Variants in FAF1 observed in about 807,000 individuals in gnomAD.
FAF1 encodes the protein Fas associated factor 1, also known as FAS-associated factor 1.
Under a neutral mutation model 92.5 loss-of-function variants are expected in FAF1, and 25 were observed. The ratio of observed to expected loss-of-function variants is 0.27; its 90% CI spans 0.20 to 0.38. FAF1 has a LOEUF of 0.38. Among genes scored for constraint, FAF1 ranks in the 10% least tolerant of loss-of-function variants. The probability of loss-of-function intolerance (pLI) is 1.00; values close to 1 mark genes in which losing one functional copy is unlikely to be tolerated. For synonymous variants in FAF1, 234 were observed against 273.2 expected (o/e 0.86, Z 1.42); for missense variants, 636 against 793.3 (o/e 0.80, Z 2.38).
intron 2 of FAF1, among the ~76,000 whole-genome samples, chr1:50,812,613 A>G (rs1271216723): frequency 6.6e-6 from 1 of 152,210 alleles, no homozygotes; most frequent in Non-Finnish European, 1.5e-5. Context: ...GAGTGCTTAC[A>G]TGCTGTTGGT....
rs947822162 is a variant in FAF1 at position 50,830,831 on chromosome 1, T to C, written c.114+27098A>G. 8.5e-5 allele frequency among the ~76,000 whole-genome samples: 13 copies of C among 152,268 alleles called. 1 individual carries two copies. The highest frequency in any genetic ancestry group is 4.1e-4 in the South Asian group (2 of 4,826). On this transcript the variant is annotated intron_variant, in intron 2 of 18. Coordinates refer to ENST00000396153, the MANE Select transcript of FAF1 (RefSeq NM_007051.3). Reference sequence around the variant, plus strand: ...TGCCAACTGATCCCAAATGAACTTATAAGAATAAAGAAATTCTAGAAGTAA... The same window carrying C: ...TGCCAACTGATCCCAAATGAACTTACAAGAATAAAGAAATTCTAGAAGTAA...
At chr1:50,941,755 T>A (rs1455846678) in intron 1 of FAF1, among the ~76,000 whole-genome samples, 1 of 152,158 alleles carries the variant, frequency 6.6e-6, no homozygotes, top group Non-Finnish European at 1.5e-5. Context: ...AGAAGGGAAA[T>A]ATGTTCCCTC....
At chr1:50,881,770 T>C (rs1201571515) in intron 1 of FAF1, among the ~76,000 whole-genome samples, 1 of 152,236 alleles carries the variant, frequency 6.6e-6, no homozygotes, top group Non-Finnish European at 1.5e-5. Context: ...TCTTATTTCA[T>C]CTACCACAGA....
chr1:50,828,897 C>T (rs977768881), intron 2 of FAF1, among the ~76,000 whole-genome samples: 10 of 152,098 alleles, frequency 6.6e-5, no homozygotes, highest in African/African-American at 1.9e-4. Context: ...ATGATCTCTG[C>T]AACACACAAC....
At chr1:50,547,949 C>G (rs1377370894) in intron 13 of FAF1, among the ~76,000 whole-genome samples, 1 of 152,102 alleles carries the variant, frequency 6.6e-6, no homozygotes, top group Non-Finnish European at 1.5e-5. Flanking sequence ...ATGGTGTTTA[C>G]TTTTTCTCAA....
chr1:50,456,251 C>T (rs1011360967), intron 18 of FAF1, among the ~76,000 whole-genome samples: 1 of 152,054 alleles, frequency 6.6e-6, no homozygotes, highest in African/African-American at 2.4e-5. Flanking sequence ...GCTTGTGCCA[C>T]CCACAATCTT....
intron 6 of FAF1, among the ~76,000 whole-genome samples, chr1:50,721,365 C>T (rs1658404442): frequency 6.6e-6 from 1 of 152,036 alleles, no homozygotes; most frequent in Non-Finnish European, 1.5e-5. Flanking sequence ...CAGGCACGCA[C>T]CACTACGCCC....
chr1:50,497,090 A>T (rs556029531), intron 15 of FAF1, among the ~76,000 whole-genome samples: 1 of 152,164 alleles, frequency 6.6e-6, no homozygotes, highest in Non-Finnish European at 1.5e-5. Context: ...AAACATGAAG[A>T]AACTACACCA....
intron 1 of FAF1, among the ~76,000 whole-genome samples, chr1:50,924,708 C>T (rs1644990481): frequency 6.6e-6 from 1 of 152,130 alleles, no homozygotes; most frequent in Non-Finnish European, 1.5e-5. Flanking sequence ...ATAGGCTAGG[C>T]ACAGTGGCTC....
intron 15 of FAF1, among the ~76,000 whole-genome samples, chr1:50,513,364 A>G (rs1557976394): frequency 6.6e-6 from 1 of 152,146 alleles, no homozygotes; most frequent in Non-Finnish European, 1.5e-5. Context: ...CATGCCTGCA[A>G]TCCCAGCGAT....
chr1:50,812,662 C>T (rs1053973176), intron 2 of FAF1, among the ~76,000 whole-genome samples: 4 of 152,076 alleles, frequency 2.6e-5, no homozygotes, highest in South Asian at 2.1e-4. Flanking sequence ...GAAACCAGTT[C>T]GGCAATTTCT....
At chr1:50,561,199 C>G (rs1049205380) in intron 13 of FAF1, among the ~76,000 whole-genome samples, 2 of 152,110 alleles carry the variant, frequency 1.3e-5, no homozygotes, top group African/African-American at 4.8e-5. Flanking sequence ...ACTCTAGAAC[C>G]AGGATGAACT....
chr1:50,926,910 AAC>A (rs920826920), intron 1 of FAF1, among the ~76,000 whole-genome samples: 30 of 152,242 alleles, frequency 2.0e-4, no homozygotes, highest in African/African-American at 7.2e-4. Context: ...ATGTTCACAC[AAC>A]AGAGTATTGT....
At chr1:50,631,446 G>T (rs1295122603) in intron 8 of FAF1, among the ~76,000 whole-genome samples, 1 of 152,116 alleles carries the variant, frequency 6.6e-6, no homozygotes, top group Non-Finnish European at 1.5e-5. Flanking sequence ...TTATCAGATT[G>T]ACTGTCAAGG....
In FAF1 at chr1:50,707,493, G is replaced by C. The variant is rs983512266; in HGVS notation, c.552-1602C>G. On this transcript the variant is annotated intron_variant, in intron 6 of 18. Coordinates refer to ENST00000396153, the MANE Select transcript of FAF1 (RefSeq NM_007051.3). ...GCGGGTGGATTGCCTGGACTCAGGAGTTCGAGACCACCCCGGGTAACATGG... is the reference window on the plus strand; with the variant it reads ...GCGGGTGGATTGCCTGGACTCAGGACTTCGAGACCACCCCGGGTAACATGG... Among the ~76,000 whole-genome samples, 5 of 152,068 alleles carry C rather than the reference G, an allele frequency of 3.3e-5. No homozygotes were observed. The East Asian group carries it at 9.7e-4, about 29-fold the overall frequency.
chr1:50,861,972 C>G (rs756450080), intron 1 of FAF1, among the ~76,000 whole-genome samples: 1 of 151,622 alleles, frequency 6.6e-6, no homozygotes, highest in Non-Finnish European at 1.5e-5. Flanking sequence ...TTTGTTGAAG[C>G]CAACCAGACT....
intron 1 of FAF1, among the ~76,000 whole-genome samples, chr1:50,890,688 T>C (rs1644711936): frequency 6.6e-6 from 1 of 152,150 alleles, no homozygotes; most frequent in African/African-American, 2.4e-5. Flanking sequence ...TGAATATTGG[T>C]CCCCACTCTC....
rs552570180 is a variant in FAF1 at position 50,437,612 on chromosome 1, G to A, written c.*3828C>T. On this transcript the variant is annotated 3_prime_UTR_variant, in exon 19 of 19. Coordinates refer to ENST00000396153, the MANE Select transcript of FAF1 (RefSeq NM_007051.3). ...GAGACAGGGTCTTGGTATGTGGTCAGGGCTGGTCTTGAACTTCTGGCCTCA... is the reference window on the plus strand; with the variant it reads ...GAGACAGGGTCTTGGTATGTGGTCAAGGCTGGTCTTGAACTTCTGGCCTCA... 6.6e-6 allele frequency: 1 copy of A among 152,126 alleles called. No homozygotes were observed. Among genetic ancestry groups the A allele is most frequent in the African/African-American group, 2.4e-5 (1 of 41,488 alleles). 9.4% of individuals were successfully genotyped at this position (152,126 alleles called of 1,614,324 possible).
intron 15 of FAF1, among the ~76,000 whole-genome samples, chr1:50,515,898 GTTC>G (rs1647212481): frequency 6.6e-6 from 1 of 152,046 alleles, no homozygotes; most frequent in South Asian, 2.1e-4. Context: ...AAATTTTTAT[GTTC>G]TTCTTTCTTA....
Sources: allele counts gnomAD v4.1 joint callset (sites outside exome capture counted in the v4.1 genomes callset), GRCh38; gene constraint gnomAD v4.1.1; transcripts MANE v1.5; gene names NCBI Gene and HGNC (gene_info 2026-07-23, HGNC 2026-07-21).